CYP2J2: variants seen among roughly 807,000 people sequenced by gnomAD.
CYP2J2 encodes the protein cytochrome P450 family 2 subfamily J member 2, also known as cytochrome P450 2J2.
A neutral mutation model predicts 48.8 loss-of-function variants in CYP2J2; 41 were observed. The observed-to-expected ratio is 0.84, with a 90% CI of 0.66 to 1.09. CYP2J2 has a LOEUF of 1.09. Among genes scored for constraint, CYP2J2 ranks in the 50% least tolerant of loss-of-function variants. The probability of loss-of-function intolerance (pLI) is 0.00; values close to 1 mark genes in which losing one functional copy is unlikely to be tolerated. For missense variants in CYP2J2, 644 were observed against 617.3 expected, an observed-to-expected ratio of 1.04 and a Z score of -0.46; for synonymous variants, 221 against 227.1, an observed-to-expected ratio of 0.97 and a Z score of 0.24.
chr1:59,965,930 G>A, the CYP2J2 span, among the ~76,000 whole-genome samples: 8 of 152,240 alleles, frequency 5.3e-5, no homozygotes, highest in South Asian at 1.7e-3. Flanking sequence ...GGGATTACAA[G>A]TGTAAGTCAC....
the CYP2J2 span, among the ~76,000 whole-genome samples, chr1:59,966,255 A>C: frequency 6.6e-6 from 1 of 151,732 alleles, no homozygotes; most frequent in African/African-American, 2.4e-5. Context: ...TCATTAGAGC[A>C]CTCCTCTCCT....
At chr1:59,937,631 A>G in the CYP2J2 span, among the ~76,000 whole-genome samples, 2 of 152,008 alleles carry the variant, frequency 1.3e-5, no homozygotes, top group Admixed American at 6.6e-5. Context: ...GCTCTTTGTT[A>G]TTATCCCTTT....
chr1:59,904,803 T>C lies in CYP2J2; in HGVS notation c.1191+68A>G, dbSNP rs1180631725. On this transcript the variant is annotated intron_variant, in intron 7 of 8. Transcript: ENST00000371204. Reference sequence around the variant, plus strand: ...TTTAAATGATTCCTTAGGACAAGAATAAATGTCACTTCTCAAGTTCAAGTT... The same window carrying C: ...TTTAAATGATTCCTTAGGACAAGAACAAATGTCACTTCTCAAGTTCAAGTT... The C allele has an allele frequency of 1.9e-5, 26 of 1,338,508 alleles. No individual in the cohort carries two copies. The East Asian group carries it at 2.3e-4, about 12-fold the overall frequency. The allele number at this position is 1,338,508 out of a possible 1,614,324, so 82.9% of individuals were successfully genotyped here. A position where few individuals can be genotyped will look rare whatever the true frequency, so the allele number is the denominator to read the frequency against.
At chr1:59,905,183 T>C (rs1644355217) in intron 6 of CYP2J2, 125 bp from the exon 7 acceptor site, 1 of 986,152 alleles carries the variant, frequency 1.0e-6, no homozygotes, top group African/African-American at 1.7e-5. Context: ...AGAAATAAAA[T>C]GGTTCTTAAC....
At chr1:59,911,124 G>A (rs1644410420) in intron 4 of CYP2J2, among the ~76,000 whole-genome samples, 1 of 152,168 alleles carries the variant, frequency 6.6e-6, no homozygotes, top group African/African-American at 2.4e-5. Flanking sequence ...ATGTCCGTCA[G>A]TACAGAACAG....
At chr1:59,895,084 A>G (rs1271897627) in intron 8 of CYP2J2, among the ~76,000 whole-genome samples, 1 of 152,218 alleles carries the variant, frequency 6.6e-6, no homozygotes, top group Non-Finnish European at 1.5e-5. Context: ...ATTCTCCAAC[A>G]TAGTCAAAAT....
chr1:59,910,361 G>C (rs909990280), intron 4 of CYP2J2, among the ~76,000 whole-genome samples: 4 of 152,140 alleles, frequency 2.6e-5, no homozygotes, highest in Admixed American at 2.6e-4. Context: ...ATTGAGGTCT[G>C]TAATTTGCTC....
intron 1 of CYP2J2, among the ~76,000 whole-genome samples, chr1:59,923,973 A>T (rs1224156355): frequency 6.6e-6 from 1 of 152,174 alleles, no homozygotes; most frequent in Non-Finnish European, 1.5e-5. Context: ...ATAAACCCAA[A>T]GAAAGTAGCA....
chr1:59,896,183 G>A (rs1052801538), intron 8 of CYP2J2, among the ~76,000 whole-genome samples: 8 of 151,982 alleles, frequency 5.3e-5, no homozygotes, highest in African/African-American at 1.9e-4. Context: ...TGGGCATTAG[G>A]CATGCTCATT....
the CYP2J2 span, among the ~76,000 whole-genome samples, chr1:59,967,776 A>G: frequency 6.6e-6 from 1 of 152,256 alleles, no homozygotes; most frequent in Non-Finnish European, 1.5e-5. Context: ...ACACTGTAAC[A>G]TGCTATTTGT....
chr1:59,904,908 G>A lies in CYP2J2; in HGVS notation c.1154C>T (p.Thr385Ile), dbSNP rs746747851. Reference protein sequence around the residue: ...IIPLNVPREVTVDTTLAGYHL... With the variant: ...IIPLNVPREVIVDTTLAGYHL... ...GTACCCAGCCAAAGTGGTATCAACT[G>A]TCACTTCCCTGGGAACGTTCAGGGG... is the stretch of plus-strand genomic sequence containing the variant. The change falls in exon 7 of 9, where the codon ACA becomes ATA. Residue 385 changes from threonine (T) to isoleucine (I), a missense_variant. Transcript: ENST00000371204. The A allele has an allele frequency of 6.2e-7, 1 of 1,613,826 alleles. No individual in the cohort carries two copies. Among genetic ancestry groups the A allele is most frequent in the South Asian group, 1.1e-5 (1 of 91,022 alleles).
At chr1:59,934,831 C>T in the CYP2J2 span, among the ~76,000 whole-genome samples, 1 of 150,776 alleles carries the variant, frequency 6.6e-6, no homozygotes. Context: ...TACCATATGA[C>T]CCAGCAATCC....
At chr1:59,932,063 TTA>T in the CYP2J2 span, among the ~76,000 whole-genome samples, 2 of 152,144 alleles carry the variant, frequency 1.3e-5, no homozygotes, top group African/African-American at 4.8e-5. Context: ...ATCATAACTT[TTA>T]TGTTTGCTTA....
the CYP2J2 span, among the ~76,000 whole-genome samples, chr1:59,968,509 T>C: frequency 6.6e-6 from 1 of 151,496 alleles, no homozygotes; most frequent in African/African-American, 2.4e-5. Context: ...GCACACAGCC[T>C]GAACAGGGCA....
the CYP2J2 span, among the ~76,000 whole-genome samples, chr1:59,934,356 G>A: frequency 6.6e-6 from 1 of 152,052 alleles, no homozygotes; most frequent in Non-Finnish European, 1.5e-5. Flanking sequence ...CAAAAGCAGA[G>A]GCAACAAAAG....
chr1:59,938,857 CCGCAGTG>C, the CYP2J2 span, among the ~76,000 whole-genome samples: 1 of 152,236 alleles, frequency 6.6e-6, no homozygotes, highest in Non-Finnish European at 1.5e-5. Flanking sequence ...CTGCGGCTTT[CCGCAGTG>C]CATTGTGCCC....
At chr1:59,910,829 A>T (rs1644407459) in intron 4 of CYP2J2, among the ~76,000 whole-genome samples, 1 of 152,140 alleles carries the variant, frequency 6.6e-6, no homozygotes, top group Admixed American at 6.5e-5. Context: ...AACCGAGCAG[A>T]GTTTTTGACA....
the CYP2J2 span, among the ~76,000 whole-genome samples, chr1:59,934,450 G>A: frequency 4.1e-4 from 63 of 152,118 alleles, no homozygotes; most frequent in Non-Finnish European, 8.7e-4. Context: ...CATGCAAATC[G>A]TGTATCTGAT....
Position 59,909,884 on chromosome 1 carries a change from A to G in CYP2J2, c.761T>C (p.Leu254Pro). 1.2e-6 allele frequency: 2 copies of G among 1,612,012 alleles called. No individual in the cohort carries two copies. The highest frequency in any genetic ancestry group is 1.7e-6 in the Non-Finnish European group (2 of 1,179,040). ...HQTLFSNWKK[L>P]KLFVSHMIDK... is the part of the protein sequence containing the mutation. The stretch of plus-strand genomic sequence containing the variant: ...AATCATATGAGAAACAAACAATTTC[A>G]GTTTTTTCCAGTTGCTGAAGAGAGT... The change falls in exon 5 of 9, where the codon CTG becomes CCG. Residue 254 changes from leucine to proline, a missense_variant. Leu to Pro is a moderately conservative substitution (Grantham distance 98, BLOSUM62 -3). Coordinates refer to ENST00000371204, the MANE Select transcript of CYP2J2 (RefSeq NM_000775.4).
Sources: gnomAD v4.1 joint callset for allele counts (sites outside exome capture counted in the v4.1 genomes callset) on GRCh38, gnomAD v4.1.1 for gene constraint, MANE v1.5 for transcripts, NCBI Gene and HGNC (gene_info 2026-07-23, HGNC 2026-07-21) for gene names.